CADM2: variants seen among roughly 807,000 people sequenced by gnomAD.
CADM2 encodes cell adhesion molecule 2, also known as immunoglobulin superfamily member 4D.
In CADM2, 12 loss-of-function variants were observed where a neutral mutation model predicts 49.8. The observed-to-expected ratio is 0.24, with a 90% CI of 0.15 to 0.39. The LOEUF (loss-of-function observed/expected upper bound fraction) is 0.39. Among genes scored for constraint, CADM2 ranks in the 10% least tolerant of loss-of-function variants. The pLI, the probability that CADM2 is intolerant of heterozygous loss-of-function variation, is 1.00. For synonymous variants in CADM2, 214 were observed against 175.4 expected (o/e 1.22, Z -1.74); for missense variants, 378 against 492.3 (o/e 0.77, Z 2.20).
At chr3:85,247,407 G>A (rs2042674699) in intron 1 of CADM2, among the ~76,000 whole-genome samples, 1 of 152,014 alleles carries the variant, frequency 6.6e-6, no homozygotes. Context: ...TTGTTTTAAG[G>A]AGTTTTAACT....
intron 1 of CADM2, among the ~76,000 whole-genome samples, chr3:85,156,917 C>A (rs188688659): frequency 6.6e-6 from 1 of 152,238 alleles, no homozygotes; most frequent in African/African-American, 2.4e-5. Flanking sequence ...TTGCAGACGA[C>A]ATGATTGTAT....
chr3:85,801,962 G>C (rs991070097), intron 2 of CADM2, 85 bp from the exon 3 acceptor site: 1 of 1,084,520 alleles, frequency 9.2e-7, no homozygotes, highest in African/African-American at 1.6e-5. Context: ...TATTTTGCAT[G>C]AGAAGTTAAG....
chr3:85,759,093 G>C (rs994163820), intron 2 of CADM2, among the ~76,000 whole-genome samples: 1 of 151,884 alleles, frequency 6.6e-6, no homozygotes, highest in Non-Finnish European at 1.5e-5. Context: ...TCAAACAGAG[G>C]CTGATTTCAT....
intron 3 of CADM2, among the ~76,000 whole-genome samples, chr3:85,879,936 A>C (rs1473117342): frequency 6.6e-6 from 1 of 152,174 alleles, no homozygotes; most frequent in Non-Finnish European, 1.5e-5. Context: ...TACAATCAAG[A>C]GACAAAACAG....
rs1576926105 is a variant in CADM2 at position 85,609,967 on chromosome 3, T to C, written c.62-116555T>C. 3.3e-5 allele frequency among the ~76,000 whole-genome samples: 5 copies of C among 152,186 alleles called. No homozygotes were observed. The South Asian group carries it at 8.3e-4, about 25-fold the overall frequency. On this transcript the variant is annotated intron_variant, in intron 1 of 9. Transcript: ENST00000383699. ...CTACATTTTTTTTTAAACTCCACGA[T>C]AGAACTGTACACATTTGTAAAATAA...
At chr3:85,449,959 A>C (rs2107565248) in intron 1 of CADM2, among the ~76,000 whole-genome samples, 1 of 152,294 alleles carries the variant, frequency 6.6e-6, no homozygotes, top group Non-Finnish European at 1.5e-5. Context: ...ATTAATTTTC[A>C]AATGAATACT....
intron 1 of CADM2, among the ~76,000 whole-genome samples, chr3:85,428,302 G>A: frequency 6.9e-6 from 1 of 145,196 alleles, no homozygotes; most frequent in South Asian, 2.1e-4. Flanking sequence ...AAGGTAAAAT[G>A]CAAAAATTGA....
At chr3:85,042,888 G>A (rs946424729) in intron 1 of CADM2, among the ~76,000 whole-genome samples, 2 of 151,974 alleles carry the variant, frequency 1.3e-5, no homozygotes, top group African/African-American at 4.8e-5. Context: ...ATTAATAGGC[G>A]GTAAACATAC....
At chr3:86,002,529 A>G (rs964319924) in intron 8 of CADM2, among the ~76,000 whole-genome samples, 4 of 152,120 alleles carry the variant, frequency 2.6e-5, no homozygotes, top group African/African-American at 9.7e-5. Flanking sequence ...CAACTTAGAG[A>G]TTATCCTTCA....
chr3:85,270,270 GATAA>G (rs1181569646), intron 1 of CADM2, among the ~76,000 whole-genome samples: 1 of 151,244 alleles, frequency 6.6e-6, no homozygotes, highest in Non-Finnish European at 1.5e-5. Context: ...AATATTCAGA[GATAA>G]ATAAAGAATC....
intron 1 of CADM2, among the ~76,000 whole-genome samples, chr3:85,420,645 C>T (rs1485100870): frequency 1.3e-5 from 2 of 151,942 alleles, no homozygotes; most frequent in Non-Finnish European, 1.5e-5. Flanking sequence ...GTATTAAAAA[C>T]GTGAAACAGA....
intron 8 of CADM2, among the ~76,000 whole-genome samples, chr3:85,998,154 G>C (rs1729663709): frequency 6.6e-6 from 1 of 152,120 alleles, no homozygotes; most frequent in Non-Finnish European, 1.5e-5. Context: ...GGGTAGCAGG[G>C]TTGGGGGTAA....
chr3:85,250,251 G>C (rs2042744825), intron 1 of CADM2, among the ~76,000 whole-genome samples: 1 of 151,462 alleles, frequency 6.6e-6, no homozygotes, highest in South Asian at 2.1e-4. Context: ...AAAGTCAATA[G>C]TAAATGGAAA....
intron 1 of CADM2, among the ~76,000 whole-genome samples, chr3:84,994,979 G>A (rs993783155): frequency 4.6e-5 from 7 of 152,004 alleles, no homozygotes; most frequent in African/African-American, 1.2e-4. Context: ...TCAGTCAGCC[G>A]AAATTGAACC....
At chr3:85,580,252 G>T (rs2107291004) in intron 1 of CADM2, among the ~76,000 whole-genome samples, 1 of 152,194 alleles carries the variant, frequency 6.6e-6, no homozygotes, top group African/African-American at 2.4e-5. Flanking sequence ...TGCATATGCA[G>T]GAGGACAGTA....
At chr3:85,684,985 C>T (rs182907053) in intron 1 of CADM2, among the ~76,000 whole-genome samples, 4 of 152,262 alleles carry the variant, frequency 2.6e-5, no homozygotes, top group East Asian at 1.9e-4. Flanking sequence ...GAGAATCGGC[C>T]GGGCGCGGTA....
intron 1 of CADM2, among the ~76,000 whole-genome samples, chr3:85,440,924 G>GCTTT (rs1323500326): frequency 2.0e-5 from 3 of 152,100 alleles, no homozygotes; most frequent in African/African-American, 7.2e-5. Flanking sequence ...GGAGGTTGCA[G>GCTTT]TGAGCCAGCC....
At chr3:85,689,353 T>C (rs2066313591) in intron 1 of CADM2, among the ~76,000 whole-genome samples, 1 of 152,226 alleles carries the variant, frequency 6.6e-6, no homozygotes, top group East Asian at 1.9e-4. Flanking sequence ...TTTTAAATGT[T>C]GCAAAGAAAA....
intron 1 of CADM2, among the ~76,000 whole-genome samples, chr3:85,710,493 T>C (rs1190878803): frequency 6.6e-6 from 1 of 152,172 alleles, no homozygotes; most frequent in Non-Finnish European, 1.5e-5. Context: ...CTTGAATTAC[T>C]CTCAAACTAT....
Sources: allele counts gnomAD v4.1 joint callset (sites outside exome capture counted in the v4.1 genomes callset), GRCh38; gene constraint gnomAD v4.1.1; transcripts MANE v1.5; gene names NCBI Gene and HGNC (gene_info 2026-07-23, HGNC 2026-07-21).